MRTFB: variants seen among roughly 807,000 people sequenced by gnomAD.
MRTFB encodes myocardin related transcription factor B.
Under a neutral mutation model 104.2 loss-of-function variants are expected in MRTFB, and 29 were observed. The observed-to-expected ratio is 0.28, with a 90% CI of 0.21 to 0.38. The LOEUF (loss-of-function observed/expected upper bound fraction) is 0.38. Ranked by LOEUF, MRTFB falls within the 10% of genes least tolerant of loss-of-function variation. The pLI, the probability that MRTFB is intolerant of heterozygous loss-of-function variation, is 1.00. For missense variants in MRTFB, 1,270 were observed against 1,341.6 expected (o/e 0.95, Z 0.83); for synonymous variants, 535 against 519.5 (o/e 1.03, Z -0.41).
At chr16:14,140,858 A>T in intron 3 of MRTFB, 98 bp downstream of exon 3, 2 of 1,419,800 alleles carry the variant, frequency 1.4e-6, no homozygotes, top group East Asian at 4.6e-5. Context: ...TGGTCAGTTC[A>T]GCAGTCTGTC....
At chr16:14,018,481 T>C in the MRTFB span, among the ~76,000 whole-genome samples, 1 of 152,356 alleles carries the variant, frequency 6.6e-6, no homozygotes, top group African/African-American at 2.4e-5. Flanking sequence ...CATGGTTCTG[T>C]ATCTGGCTCA....
At chr16:14,119,933 G>A (rs1158669876) in intron 2 of MRTFB, among the ~76,000 whole-genome samples, 2 of 152,132 alleles carry the variant, frequency 1.3e-5, no homozygotes, top group African/African-American at 4.8e-5. Flanking sequence ...GAGCAGCTTT[G>A]AGGTTTCAGC....
At chr16:14,102,856 A>G (rs2035771775) in intron 2 of MRTFB, among the ~76,000 whole-genome samples, 1 of 152,184 alleles carries the variant, frequency 6.6e-6, no homozygotes. Flanking sequence ...GTACTTTAGA[A>G]TGTGCAGTTT....
rs187935185 is a variant in MRTFB, at chr16:14,129,856, T to A, written c.-63-10688T>A. On this transcript the variant is annotated intron_variant, in intron 2 of 16. Coordinates refer to ENST00000571589, the MANE Select transcript of MRTFB (RefSeq NM_001308142.2). ...TTTTTGTTTGTTTTTTGAGATGGAG[T>A]TTCGCTCTGTTGCCCAGGCTGGAGT... 4.6e-5 allele frequency among the ~76,000 whole-genome samples: 7 copies of A among 152,276 alleles called. No individual in the cohort carries two copies. The East Asian group carries it at 1.3e-3, about 29-fold the overall frequency.
At chr16:14,017,872 C>T in the MRTFB span, among the ~76,000 whole-genome samples, 1 of 149,848 alleles carries the variant, frequency 6.7e-6, no homozygotes, top group East Asian at 2.0e-4. Context: ...CATGTGCTAC[C>T]ATGTCTGGCT....
rs976511350 is a variant in MRTFB, at chr16:14,140,525, A to G, written c.-63-19A>G. The stretch of plus-strand genomic sequence containing the variant: ...AAACATAACTGCACCATCTCTTTAC[A>G]CATTCTTTATTTTGGCAGTGTCTTC... On this transcript the variant is annotated intron_variant, in intron 2 of 16. Coordinates refer to ENST00000571589, the MANE Select transcript of MRTFB (RefSeq NM_001308142.2). The G allele has an allele frequency of 1.3e-6, 2 of 1,528,016 alleles. No homozygotes were observed. The highest frequency in any genetic ancestry group is 1.4e-5 in the African/African-American group (1 of 72,682). 94.7% of individuals were successfully genotyped at this position (1,528,016 alleles called of 1,614,324 possible). A position where few individuals can be genotyped will look rare whatever the true frequency, so the allele number is the denominator to read the frequency against.
the MRTFB span, among the ~76,000 whole-genome samples, chr16:14,029,604 G>C: frequency 1.1e-4 from 16 of 151,834 alleles, no homozygotes; most frequent in East Asian, 2.5e-3. Context: ...CCCCAGAGGT[G>C]CTCACTAATG....
intron 9 of MRTFB, among the ~76,000 whole-genome samples, chr16:14,238,258 C>T (rs1055739731): frequency 6.6e-6 from 1 of 152,088 alleles, no homozygotes; most frequent in Non-Finnish European, 1.5e-5. Context: ...CTCAAAACAT[C>T]AGTAGAGACA....
the MRTFB span, among the ~76,000 whole-genome samples, chr16:14,037,076 C>T: frequency 2.0e-5 from 3 of 151,748 alleles, no homozygotes; most frequent in African/African-American, 7.3e-5. Context: ...CCAAAGAAAA[C>T]CCATCTGTAG....
At chr16:14,195,288 A>T (rs1275984669) in intron 3 of MRTFB, among the ~76,000 whole-genome samples, 1 of 152,174 alleles carries the variant, frequency 6.6e-6, no homozygotes, top group Non-Finnish European at 1.5e-5. Flanking sequence ...ATAATGTGGC[A>T]ATCCTCTATG....
chr16:14,127,919 ATATATATATATTTTT>A (rs1157704238), intron 2 of MRTFB, among the ~76,000 whole-genome samples: 2 of 39,322 alleles, frequency 5.1e-5, no homozygotes, highest in Non-Finnish European at 4.1e-5. Flanking sequence ...ATATATATAT[ATATATATATATTTTT>A]TTTTTTTTTT....
the MRTFB span, among the ~76,000 whole-genome samples, chr16:14,017,194 C>T: frequency 2.6e-4 from 39 of 151,830 alleles, 1 homozygote; most frequent in Non-Finnish European, 4.7e-4. Flanking sequence ...GTAGCTGGGA[C>T]TACAGGCGCC....
At chr16:14,208,757 G>A (rs768327298) in intron 3 of MRTFB, among the ~76,000 whole-genome samples, 59 of 152,216 alleles carry the variant, frequency 3.9e-4, no homozygotes, top group Non-Finnish European at 1.5e-4. Context: ...GTAAAGTACA[G>A]TGGGAACATA....
intron 2 of MRTFB, among the ~76,000 whole-genome samples, chr16:14,116,812 T>C (rs755612726): frequency 2.7e-4 from 41 of 151,930 alleles, no homozygotes; most frequent in Non-Finnish European, 4.9e-4. Flanking sequence ...TCCTCAGGGG[T>C]GGGGAGGCAC....
At chr16:14,004,269 A>G in the MRTFB span, among the ~76,000 whole-genome samples, 1 of 152,176 alleles carries the variant, frequency 6.6e-6, no homozygotes, top group East Asian at 1.9e-4. Flanking sequence ...CTTGGTTCCC[A>G]AAGCCGCCCA....
At chr16:14,240,678 G>A (rs941350063) in intron 10 of MRTFB, 194 bp downstream of exon 10, 2 of 948,818 alleles carry the variant, frequency 2.1e-6, no homozygotes, top group African/African-American at 1.6e-5. Flanking sequence ...TCCAGTTTCT[G>A]TCCTCCAAAA....
the MRTFB span, among the ~76,000 whole-genome samples, chr16:14,004,564 G>A: frequency 0.24 from 36,934 of 152,030 alleles, 5,280 homozygotes; most frequent in African/African-American, 0.38. Context: ...CACAGCCCAC[G>A]GGGCCCCATG....
chr16:14,200,357 A>G, intron 3 of MRTFB: 1 of 1,607,988 alleles, frequency 6.2e-7, no homozygotes, highest in Non-Finnish European at 8.5e-7. Flanking sequence ...TAGGGCCGCC[A>G]TGTTGCAGCA....
chr16:14,022,821 C>T, the MRTFB span, among the ~76,000 whole-genome samples: 2 of 149,852 alleles, frequency 1.3e-5, no homozygotes, highest in Admixed American at 6.7e-5. Flanking sequence ...CTCAGCCTCC[C>T]GAGTGGCTGG....
Sources: gnomAD v4.1 joint callset for allele counts (sites outside exome capture counted in the v4.1 genomes callset) on GRCh38, gnomAD v4.1.1 for gene constraint, MANE v1.5 for transcripts, NCBI Gene and HGNC (gene_info 2026-07-23, HGNC 2026-07-21) for gene names.